The following PRDM16 variants were observed in gnomAD, a reference collection of about 807,000 sequenced individuals.
The protein encoded by PRDM16 is PR/SET domain 16.
Under a neutral mutation model 110.6 loss-of-function variants are expected in PRDM16, and 23 were observed. The observed-to-expected ratio is 0.21, with a 90% CI of 0.15 to 0.29. The LOEUF is 0.29. Among genes scored for constraint, PRDM16 ranks in the 10% least tolerant of loss-of-function variants. The pLI is 1.00. For missense variants in PRDM16, 1,615 were observed against 1,794.3 expected (o/e 0.90, Z 1.81); for synonymous variants, 799 against 781.8 (o/e 1.02, Z -0.37).
intron 1 of PRDM16, among the ~76,000 whole-genome samples, chr1:3,173,012 G>A (rs1328488789): frequency 6.6e-6 from 1 of 152,248 alleles, no homozygotes; most frequent in Non-Finnish European, 1.5e-5. Flanking sequence ...AGCTCGTGGA[G>A]CTAGTGCTTG....
chr1:3,224,266 A>T (rs1392672642), intron 2 of PRDM16, among the ~76,000 whole-genome samples: 1 of 152,228 alleles, frequency 6.6e-6, no homozygotes, highest in Admixed American at 6.5e-5. Flanking sequence ...AAAAGCAATC[A>T]AATTCATAAT....
At chr1:3,366,808 T>C (rs545704220) in intron 3 of PRDM16, among the ~76,000 whole-genome samples, 9 of 152,352 alleles carry the variant, frequency 5.9e-5, no homozygotes, top group African/African-American at 2.2e-4. Context: ...GTGGTTAACA[T>C]GCTATTGCAT....
chr1:3,293,741 T>A (rs12565882), intron 3 of PRDM16, among the ~76,000 whole-genome samples: 3,701 of 152,294 alleles, frequency 0.024, 254 homozygotes, highest in East Asian at 0.24. Flanking sequence ...CACGGCTGTT[T>A]GTGCAGGATG....
intron 3 of PRDM16, among the ~76,000 whole-genome samples, chr1:3,335,332 T>C (rs1463684643): frequency 6.6e-6 from 1 of 152,158 alleles, no homozygotes; most frequent in Non-Finnish European, 1.5e-5. Flanking sequence ...AAGAACGTTA[T>C]TGACTGAGGG....
intron 2 of PRDM16, among the ~76,000 whole-genome samples, chr1:3,224,975 G>C (rs1299948926): frequency 1.3e-5 from 2 of 152,252 alleles, no homozygotes; most frequent in Non-Finnish European, 2.9e-5. Flanking sequence ...GAGACAAAGA[G>C]CAAGAAAAGG....
intron 1 of PRDM16, among the ~76,000 whole-genome samples, chr1:3,070,777 G>A (rs1641736129): frequency 6.6e-6 from 1 of 152,174 alleles, no homozygotes; most frequent in African/African-American, 2.4e-5. Context: ...GCGGCCGTAG[G>A]CCCCGCGCTC....
rs1467074840 is a variant in PRDM16 at position 3,246,877 on chromosome 1, G to A, written c.438+2740G>A. On this transcript the variant is annotated intron_variant, in intron 3 of 16. Transcript: ENST00000270722. This position sits in a 1 kb window ranked among gnomAD's most constrained non-coding sequence, Gnocchi z 5.2. ...ATTCAAAGGCAAAGTCTTCAGACTC[G>A]GGGGCCAGGAAGACCAGGACAGACA... 2.0e-5 allele frequency among the ~76,000 whole-genome samples: 3 copies of A among 152,126 alleles called. No individual in the cohort carries two copies. Among genetic ancestry groups the A allele is most frequent in the Non-Finnish European group, 4.4e-5 (3 of 68,030 alleles).
intron 1 of PRDM16, among the ~76,000 whole-genome samples, chr1:3,082,988 A>G (rs1027773099): frequency 6.6e-6 from 1 of 152,132 alleles, no homozygotes; most frequent in Non-Finnish European, 1.5e-5. Flanking sequence ...GGCGCTGGAG[A>G]TCGAGCCCCC....
chr1:3,141,773 G>A (rs1018844802), intron 1 of PRDM16, among the ~76,000 whole-genome samples: 1 of 152,228 alleles, frequency 6.6e-6, no homozygotes, highest in African/African-American at 2.4e-5. Context: ...CAGAGAAGGT[G>A]GGACAAATTC....
In PRDM16 at chr1:3,255,596, G is replaced by A. The variant is rs1368523497; in HGVS notation, c.438+11459G>A. ...TCCCCTAACTCTGTGGCTCGAAACA[G>A]CACACGGTGCCCCTCCTTATCGCAT... On this transcript the variant is annotated intron_variant, in intron 3 of 16. Coordinates refer to ENST00000270722, the MANE Select transcript of PRDM16 (RefSeq NM_022114.4). This position sits in a 1 kb window ranked among gnomAD's most constrained non-coding sequence, Gnocchi z 4.7. Among the ~76,000 whole-genome samples, 2 of 152,240 alleles carry A rather than the reference G, an allele frequency of 1.3e-5. No individual in the cohort carries two copies. The highest frequency in any genetic ancestry group is 2.9e-5 in the Non-Finnish European group (2 of 68,034).
Position 3,411,280 on chromosome 1 carries a change from C to T in PRDM16, c.1187-104C>T, listed in dbSNP as rs556042838. 7.2e-4 allele frequency: 900 copies of T among 1,245,034 alleles called. 3 individuals are homozygous for T. Among genetic ancestry groups the T allele is most frequent in the South Asian group, 2.9e-3 (203 of 69,224 alleles). 77.1% of individuals were successfully genotyped at this position (1,245,034 alleles called of 1,614,324 possible). On this transcript the variant is annotated intron_variant, in intron 8 of 16. Coordinates refer to ENST00000270722, the MANE Select transcript of PRDM16 (RefSeq NM_022114.4). Reference sequence around the variant, plus strand: ...GACAGACTGCTTCCAGCCCCAGCCTCGCCCCTCCAGCGGCTGGCTTTCCCA... The same window carrying T: ...GACAGACTGCTTCCAGCCCCAGCCTTGCCCCTCCAGCGGCTGGCTTTCCCA...
chr1:3,401,721 C>T (rs1192143292), intron 5 of PRDM16, among the ~76,000 whole-genome samples: 2 of 152,174 alleles, frequency 1.3e-5, no homozygotes, highest in Non-Finnish European at 1.5e-5. Context: ...ATAATATGCA[C>T]GTATGCATAC....
intron 3 of PRDM16, among the ~76,000 whole-genome samples, chr1:3,322,717 G>A (rs1641789612): frequency 6.6e-6 from 1 of 152,214 alleles, no homozygotes; most frequent in South Asian, 2.1e-4. Flanking sequence ...ACGAGGCGCA[G>A]CGACCCGTCA....
At chr1:3,180,970 G>T (rs879741582) in intron 1 of PRDM16, among the ~76,000 whole-genome samples, 2 of 135,446 alleles carry the variant, frequency 1.5e-5, no homozygotes, top group Middle Eastern at 4.2e-3. Flanking sequence ...TTACACACTC[G>T]GTCTTACACA....
At chr1:3,179,751 C>A (rs1171259984) in intron 1 of PRDM16, among the ~76,000 whole-genome samples, 1 of 152,250 alleles carries the variant, frequency 6.6e-6, no homozygotes, top group Non-Finnish European at 1.5e-5. Flanking sequence ...TCACCAGGCA[C>A]TAGCCTCCTT....
intron 1 of PRDM16, among the ~76,000 whole-genome samples, chr1:3,083,802 T>C (rs1159415846): frequency 6.6e-6 from 1 of 152,214 alleles, no homozygotes; most frequent in Admixed American, 6.5e-5. Context: ...GGATTGTGTC[T>C]GTGTTGTCAT....
chr1:3,345,487 G>T (rs1570109202), intron 3 of PRDM16, among the ~76,000 whole-genome samples: 1 of 152,274 alleles, frequency 6.6e-6, no homozygotes, highest in East Asian at 1.9e-4. Flanking sequence ...CTAGGAAGTG[G>T]CTAGCACGGC....
intron 3 of PRDM16, among the ~76,000 whole-genome samples, chr1:3,313,448 A>T (rs2100422181): frequency 6.6e-6 from 1 of 152,284 alleles, no homozygotes; most frequent in African/African-American, 2.4e-5. Context: ...CCTGAGAGTG[A>T]TCCCCGGGCA....
At chr1:3,355,457 A>G (rs188026519) in intron 3 of PRDM16, among the ~76,000 whole-genome samples, 65 of 152,308 alleles carry the variant, frequency 4.3e-4, no homozygotes, top group Non-Finnish European at 7.9e-4. Flanking sequence ...TGAACTAAAC[A>G]GTCCCTACTG....
Sources: allele counts gnomAD v4.1 joint callset (sites outside exome capture counted in the v4.1 genomes callset), GRCh38; gene constraint gnomAD v4.1.1; non-coding constraint Gnocchi (gnomAD v3.1); transcripts MANE v1.5; gene names NCBI Gene and HGNC (gene_info 2026-07-23, HGNC 2026-07-21).